CALD1: variants seen among roughly 807,000 people sequenced by gnomAD.
CALD1 encodes the protein caldesmon.
CALD1 carries 33 observed loss-of-function variants against 99.9 expected under a neutral mutation model. The observed-to-expected ratio is 0.33, with a 90% CI of 0.25 to 0.44. CALD1 has a LOEUF of 0.44. Ranked by LOEUF, CALD1 falls within the 20% of genes least tolerant of loss-of-function variation. The probability of loss-of-function intolerance (pLI) is 1.00; values close to 1 mark genes in which losing one functional copy is unlikely to be tolerated. For synonymous variants in CALD1, 310 were observed against 325.0 expected (o/e 0.95, Z 0.50); for missense variants, 861 against 962.1 (o/e 0.89, Z 1.39).
Position 134,854,317 on chromosome 7 carries a change from A to G in CALD1, c.-42+10346A>G, listed in dbSNP as rs565650680. ...TCTTCCACAATGGTTGAACTAACTT[A>G]CACTCCCACCAACAGTGTAAAAGCA... On this transcript the variant is annotated intron_variant, in intron 2 of 14. Coordinates refer to ENST00000361675, the MANE Select transcript of CALD1 (RefSeq NM_033138.4). 9.8e-5 allele frequency among the ~76,000 whole-genome samples: 15 copies of G among 152,316 alleles called. No homozygotes were observed. In the East Asian group the frequency reaches 2.9e-3, roughly 29 times the overall value.
intron 3 of CALD1, among the ~76,000 whole-genome samples, chr7:134,918,550 A>G (rs928111934): frequency 6.6e-6 from 1 of 152,256 alleles, no homozygotes; most frequent in African/African-American, 2.4e-5. Context: ...AGAATAATTC[A>G]GAGATCTTAA....
intron 1 of CALD1, among the ~76,000 whole-genome samples, chr7:134,786,755 TAA>T (rs1797322473): frequency 2.0e-5 from 3 of 152,348 alleles, no homozygotes; most frequent in South Asian, 4.1e-4. Flanking sequence ...TCCAAGCAGT[TAA>T]CCTTTTCAAT....
intron 2 of CALD1, among the ~76,000 whole-genome samples, chr7:134,863,021 G>T (rs1020558635): frequency 6.6e-5 from 10 of 152,070 alleles, no homozygotes; most frequent in African/African-American, 2.4e-4. Flanking sequence ...ATCTCACCAT[G>T]TCTTCACATT....
chr7:134,888,189 G>A (rs2132479425), intron 3 of CALD1, among the ~76,000 whole-genome samples: 1 of 152,230 alleles, frequency 6.6e-6, no homozygotes, highest in African/African-American at 2.4e-5. Context: ...AAACAATAAA[G>A]TGTCCAGAAA....
At chr7:134,885,329 T>C (rs1412033001) in intron 3 of CALD1, among the ~76,000 whole-genome samples, 1 of 152,202 alleles carries the variant, frequency 6.6e-6, no homozygotes, top group African/African-American at 2.4e-5. Flanking sequence ...TGTTATTATA[T>C]AATGTAAATA....
chr7:134,842,939 T>C (rs1799708263), intron 1 of CALD1, among the ~76,000 whole-genome samples: 1 of 152,196 alleles, frequency 6.6e-6, no homozygotes, highest in South Asian at 2.1e-4. Flanking sequence ...GGTTCTCCTA[T>C]AGTAAATGTT....
intron 3 of CALD1, among the ~76,000 whole-genome samples, chr7:134,888,107 G>A (rs576486471): frequency 1.3e-5 from 2 of 152,262 alleles, no homozygotes; most frequent in East Asian, 3.9e-4. Context: ...CCTGTGGTGG[G>A]AGCTGTTCCT....
At chr7:134,943,955 G>A (rs563834042) in intron 7 of CALD1, among the ~76,000 whole-genome samples, 3 of 152,258 alleles carry the variant, frequency 2.0e-5, no homozygotes, top group South Asian at 2.1e-4. Flanking sequence ...CCCTAATGAC[G>A]GACATTTTGA....
intron 13 of CALD1, among the ~76,000 whole-genome samples, chr7:134,963,092 C>T (rs1376627871): frequency 1.3e-5 from 2 of 152,106 alleles, no homozygotes; most frequent in Admixed American, 6.6e-5. Context: ...GGTAGAAGAA[C>T]GTGCATGAGA....
At chr7:134,883,179 C>A (rs1015990476) in intron 3 of CALD1, among the ~76,000 whole-genome samples, 12 of 152,126 alleles carry the variant, frequency 7.9e-5, no homozygotes, top group African/African-American at 2.4e-4. Flanking sequence ...CTTAGATCTA[C>A]TGGGAAAGAG....
intron 1 of CALD1, among the ~76,000 whole-genome samples, chr7:134,811,708 A>G (rs1460208417): frequency 6.6e-6 from 1 of 152,146 alleles, no homozygotes; most frequent in Non-Finnish European, 1.5e-5. Flanking sequence ...GCTATTTTTA[A>G]TGTTTCCTAA....
chr7:134,894,209 A>T lies in CALD1; in HGVS notation c.71+26405A>T, dbSNP rs142254666. 4.6e-5 allele frequency among the ~76,000 whole-genome samples: 7 copies of T among 152,312 alleles called. No homozygotes were observed. In the East Asian group the frequency reaches 1.3e-3, roughly 29 times the overall value. ...ATCTTATTTAGGAACTAAAAGGGGA[A>T]GGCTTTGAGTGACCCAGTTCCCGGC... On this transcript the variant is annotated intron_variant, in intron 3 of 14. Transcript: ENST00000361675.
upstream of CALD1, among the ~76,000 whole-genome samples, chr7:134,740,464 C>T (rs574380793): frequency 1.4e-4 from 21 of 152,246 alleles, no homozygotes; most frequent in African/African-American, 5.1e-4. Context: ...GGAGAACATG[C>T]AACTTGGCAG....
intron 1 of CALD1, among the ~76,000 whole-genome samples, chr7:134,771,818 T>C (rs1017797342): frequency 1.3e-5 from 2 of 152,238 alleles, no homozygotes; most frequent in African/African-American, 2.4e-5. Flanking sequence ...TTTTCCTTCA[T>C]GTAGTCTCAC....
intron 3 of CALD1, among the ~76,000 whole-genome samples, chr7:134,915,737 A>G (rs774964115): frequency 2.1e-4 from 32 of 152,220 alleles, no homozygotes; most frequent in Admixed American, 6.5e-4. Flanking sequence ...CTGTTAAAAC[A>G]TTCACATTTT....
At chr7:134,723,887 T>G in the CALD1 span, among the ~76,000 whole-genome samples, 1 of 152,198 alleles carries the variant, frequency 6.6e-6, no homozygotes, top group Non-Finnish European at 1.5e-5. Context: ...GGCTTTAGAA[T>G]CCTACTGTTT....
At chr7:134,855,866 T>G (rs1800277283) in intron 2 of CALD1, among the ~76,000 whole-genome samples, 1 of 152,206 alleles carries the variant, frequency 6.6e-6, no homozygotes, top group Non-Finnish European at 1.5e-5. Flanking sequence ...AGCCCGGTGG[T>G]TGCCACATGT....
chr7:134,950,599 C>T (rs1487049242), intron 9 of CALD1, 85 bp downstream of exon 9: 5 of 1,069,952 alleles, frequency 4.7e-6, no homozygotes, highest in Non-Finnish European at 7.0e-6. Flanking sequence ...TATACAGGGC[C>T]TTTGTTCATT....
upstream of CALD1, among the ~76,000 whole-genome samples, chr7:134,778,666 T>A (rs1251269643): frequency 6.6e-6 from 1 of 152,184 alleles, no homozygotes; most frequent in African/African-American, 2.4e-5. Context: ...ATAGCACACA[T>A]CCTAACCATG....
Sources: allele counts gnomAD v4.1 joint callset (sites outside exome capture counted in the v4.1 genomes callset), GRCh38; gene constraint gnomAD v4.1.1; transcripts MANE v1.5; gene names NCBI Gene and HGNC (gene_info 2026-07-23, HGNC 2026-07-21).